LRRTM3: variants seen among roughly 807,000 people sequenced by gnomAD.
LRRTM3 encodes the protein leucine rich repeat transmembrane neuronal 3, also known as leucine-rich repeat transmembrane neuronal protein 3.
A neutral mutation model predicts 44.7 loss-of-function variants in LRRTM3; 24 were observed. That is an observed-to-expected ratio of 0.54 (90% CI 0.39 to 0.76). The LOEUF (loss-of-function observed/expected upper bound fraction) is 0.76, where lower values mean the gene tolerates loss of function less well. Ranked by LOEUF, LRRTM3 falls within the 30% of genes least tolerant of loss-of-function variation. LRRTM3 has a pLI of 0.00. For missense variants in LRRTM3, 587 were observed against 702.2 expected, an observed-to-expected ratio of 0.84 and a Z score of 1.85; for synonymous variants, 277 against 278.7, an observed-to-expected ratio of 0.99 and a Z score of 0.06.
intron 2 of LRRTM3, among the ~76,000 whole-genome samples, chr10:67,041,330 C>G (rs1049005707): frequency 6.6e-6 from 1 of 152,042 alleles, no homozygotes; most frequent in African/African-American, 2.4e-5. Context: ...GCCCAAGGGG[C>G]CTTCGTGATA....
In LRRTM3 at chr10:66,932,702, G is replaced by C. The variant is rs112824712; in HGVS notation, c.1536+4250G>C. ...TAGCTCTAATTAAAAATGAATTAAA[G>C]AAATAATAATAATACATAGGTGAAA... On this transcript the variant is annotated intron_variant, in intron 2 of 2. Coordinates refer to ENST00000361320, the MANE Select transcript of LRRTM3 (RefSeq NM_178011.5). Among the ~76,000 whole-genome samples the C allele has an allele frequency of 1.8e-4, 3 of 16,968 alleles. No individual in the cohort carries two copies. In the South Asian group the frequency reaches 0.02, roughly 112 times the overall value. The allele number at this position is 16,968 out of a possible 152,430, so 11.1% of individuals were successfully genotyped here.
intron 2 of LRRTM3, among the ~76,000 whole-genome samples, chr10:67,047,781 C>T (rs1340928993): frequency 6.6e-6 from 1 of 152,048 alleles, no homozygotes; most frequent in African/African-American, 2.4e-5. Context: ...TAACAGGTGG[C>T]TTTCCCCTTA....
Position 66,928,411 on chromosome 10 carries a change from G to A in LRRTM3, c.1495G>A (p.Gly499Arg). 6.2e-7 allele frequency: 1 copy of A among 1,613,896 alleles called. No homozygotes were observed. Among genetic ancestry groups the A allele is most frequent in the Non-Finnish European group, 8.5e-7 (1 of 1,179,914 alleles). Residue 499 changes from glycine to arginine, a missense_variant, in exon 2 of 3, where the codon GGA (glycine) becomes AGA (arginine). Physicochemically the swap from Gly to Arg is moderately radical, Grantham distance 125 (BLOSUM62 -2). Around this residue, in one of 3 missense-constraint regions of LRRTM3, gnomAD observed 315 missense variants for 335.6 expected, o/e 0.94. Transcript: ENST00000361320. ...ETSEMLLNGT[G>R]PCTYNKSGSR... ...CAGCGAGATGCTGCTGAATGGGACGGGACCCTGCACCTATAACAAATCGGG... is the reference window on the plus strand; with the variant it reads ...CAGCGAGATGCTGCTGAATGGGACGAGACCCTGCACCTATAACAAATCGGG...
intron 2 of LRRTM3, among the ~76,000 whole-genome samples, chr10:67,095,222 T>C (rs12785206): frequency 0.26 from 39,339 of 151,478 alleles, 6,033 homozygotes; most frequent in Middle Eastern, 0.42. Context: ...ACTATGTTAT[T>C]TTATTGTTAA....
chr10:66,955,440 A>G (rs929580697), intron 2 of LRRTM3, among the ~76,000 whole-genome samples: 4 of 152,170 alleles, frequency 2.6e-5, no homozygotes, highest in Non-Finnish European at 4.4e-5. Flanking sequence ...CCAAATGACA[A>G]TGCCAATTCA....
At chr10:67,031,039 T>C (rs1267505638) in intron 2 of LRRTM3, among the ~76,000 whole-genome samples, 1 of 152,116 alleles carries the variant, frequency 6.6e-6, no homozygotes, top group Non-Finnish European at 1.5e-5. Flanking sequence ...AACTTAGCTG[T>C]GTCACACACA....
intron 2 of LRRTM3, among the ~76,000 whole-genome samples, chr10:66,969,281 T>A (rs1381960540): frequency 6.6e-6 from 1 of 152,168 alleles, no homozygotes; most frequent in Non-Finnish European, 1.5e-5. Flanking sequence ...ATCAATTTTA[T>A]GTCTTATTTT....
At chr10:66,990,541 A>G (rs1850986258) in intron 2 of LRRTM3, among the ~76,000 whole-genome samples, 1 of 152,188 alleles carries the variant, frequency 6.6e-6, no homozygotes, top group Non-Finnish European at 1.5e-5. Context: ...AAAACTAGAA[A>G]TCATCTAGTT....
At chr10:66,977,978 G>T (rs946569601) in intron 2 of LRRTM3, among the ~76,000 whole-genome samples, 6 of 151,946 alleles carry the variant, frequency 3.9e-5, no homozygotes, top group African/African-American at 1.5e-4. Context: ...TTATTCCTAA[G>T]TGTGGAATAA....
chr10:67,018,044 T>A (rs1852771472), intron 2 of LRRTM3, among the ~76,000 whole-genome samples: 1 of 152,150 alleles, frequency 6.6e-6, no homozygotes, highest in African/African-American at 2.4e-5. Flanking sequence ...TGTGCTGGGA[T>A]TACAGGTGTG....
chr10:67,017,142 A>G (rs1395025581), intron 2 of LRRTM3, among the ~76,000 whole-genome samples: 1 of 152,224 alleles, frequency 6.6e-6, no homozygotes, highest in Non-Finnish European at 1.5e-5. Flanking sequence ...CAAACAATAT[A>G]TTCATAGTAT....
At chr10:66,964,961 G>T (rs1849319565) in intron 2 of LRRTM3, among the ~76,000 whole-genome samples, 1 of 152,148 alleles carries the variant, frequency 6.6e-6, no homozygotes. Context: ...AAAATTTAAA[G>T]CTATTAAAAA....
intron 2 of LRRTM3, among the ~76,000 whole-genome samples, chr10:67,010,772 C>A (rs755868514): frequency 6.6e-6 from 1 of 152,150 alleles, no homozygotes; most frequent in Non-Finnish European, 1.5e-5. Flanking sequence ...ATGCTGAACT[C>A]CTCCACAGAA....
At chr10:66,937,997 T>C (rs931865768) in intron 2 of LRRTM3, among the ~76,000 whole-genome samples, 14 of 152,108 alleles carry the variant, frequency 9.2e-5, no homozygotes, top group African/African-American at 3.4e-4. Flanking sequence ...TTCTTTTCCT[T>C]CTTCTTCCAA....
intron 1 of LRRTM3, 94 bp from the exon 2 acceptor site, chr10:66,926,827 T>A (rs1847105909): frequency 1.7e-6 from 2 of 1,173,366 alleles, no homozygotes; most frequent in Non-Finnish European, 2.3e-6. Context: ...TAGATTTAAA[T>A]TTTTAAAAAT....
chr10:67,079,577 C>T (rs763534518), intron 2 of LRRTM3, among the ~76,000 whole-genome samples: 1 of 152,080 alleles, frequency 6.6e-6, no homozygotes. Flanking sequence ...CAGCCCAGCG[C>T]GGTGGCTCAT....
intron 2 of LRRTM3, among the ~76,000 whole-genome samples, chr10:67,000,194 A>T (rs1851597669): frequency 6.6e-6 from 1 of 152,198 alleles, no homozygotes; most frequent in Non-Finnish European, 1.5e-5. Flanking sequence ...ATATGAGCTC[A>T]AGAGAAACAT....
intron 2 of LRRTM3, among the ~76,000 whole-genome samples, chr10:66,957,418 A>G (rs1848866426): frequency 3.1e-5 from 1 of 32,696 alleles, no homozygotes; most frequent in Non-Finnish European, 5.6e-5. Flanking sequence ...ATATATGCAT[A>G]TATATATATG....
Position 66,927,282 on chromosome 10 carries a change from C to T in LRRTM3, c.366C>T (p.Ser122=). 1 of 1,614,090 alleles carries T rather than the reference C, an allele frequency of 6.2e-7. No homozygotes were observed. The highest frequency in any genetic ancestry group is 1.1e-5 in the South Asian group (1 of 91,074). The change falls in exon 2 of 3, where the codon TCC becomes TCT. Residue 122 remains serine (S), a synonymous_variant. Transcript: ENST00000361320. This position sits in a 1 kb window ranked among gnomAD's most constrained non-coding sequence, Gnocchi z 4.7. The part of the protein sequence containing the change: ...KELILSSNRI[S]YFLNNTFRPV... ...TGATTCTTAGTTCCAATAGAATCTC[C>T]TATTTTCTTAACAATACCTTCAGAC... is the stretch of plus-strand genomic sequence containing the variant.
Sources: gnomAD v4.1 joint callset for allele counts (sites outside exome capture counted in the v4.1 genomes callset) on GRCh38, gnomAD v4.1.1 for gene constraint, gnomAD v4.1.1 regional missense constraint, Gnocchi (gnomAD v3.1) non-coding constraint, MANE v1.5 for transcripts, NCBI Gene and HGNC (gene_info 2026-07-23, HGNC 2026-07-21) for gene names.